The following C3orf85 variants were observed in gnomAD, a reference collection of about 807,000 sequenced individuals.
C3orf85 encodes the protein uncharacterized protein C3orf85.
In C3orf85, 1 loss-of-function variant was observed where a neutral mutation model predicts 1.7. That is an observed-to-expected ratio of 0.60 (90% CI 0.21 to 2.86). C3orf85 has a LOEUF of 2.86. C3orf85 is among the 30% of genes most tolerant of loss of function. The pLI is 0.22. For missense variants in C3orf85, 29 were observed against 21.3 expected (o/e 1.36, Z -0.72); for synonymous variants, 17 against 8.0 (o/e 2.13, Z -1.90).
intron 2 of C3orf85, among the ~76,000 whole-genome samples, chr3:109,143,208 TC>T (rs1706760456): frequency 6.6e-6 from 1 of 152,236 alleles, no homozygotes; most frequent in African/African-American, 2.4e-5. Context: ...GCAGACTCTG[TC>T]CTTTAATTCT....
Position 109,147,251 on chromosome 3 carries a change from C to T in C3orf85, c.50-1002C>T, listed in dbSNP as rs190264625. Among the ~76,000 whole-genome samples the T allele has an allele frequency of 1.6e-4, 25 of 152,202 alleles. No individual in the cohort carries two copies. In the South Asian group the frequency reaches 3.3e-3, roughly 20 times the overall value. On this transcript the variant is annotated intron_variant, in intron 2 of 3. Coordinates refer to ENST00000622536, the MANE Select transcript of C3orf85 (RefSeq NM_001351622.2). ...AGTGCAATCAAATCTTGTGTTGCCT[C>T]GTTTTGTCTTTTATCTTTGACCCTG...
intron 2 of C3orf85, among the ~76,000 whole-genome samples, chr3:109,137,753 G>A (rs941003771): frequency 2.0e-5 from 3 of 150,562 alleles, no homozygotes; most frequent in African/African-American, 7.3e-5. Context: ...GTTGGGTCAT[G>A]TTTAAATATG....
At chr3:109,146,786 T>C (rs1381301748) in intron 2 of C3orf85, among the ~76,000 whole-genome samples, 2 of 152,192 alleles carry the variant, frequency 1.3e-5, no homozygotes, top group Non-Finnish European at 2.9e-5. Flanking sequence ...CTTATGGTTA[T>C]GTACGTCAGC....
rs201988537 is a variant in C3orf85, at chr3:109,138,551, ATT to A, written c.49+1663_49+1664del. Reference sequence around the variant, plus strand: ...TTCTGCTTATTATAAGAAAACCACTATTTTTTTTTAAAGTTTATTTTCATGTT... The same window carrying A: ...TTCTGCTTATTATAAGAAAACCACTATTTTTTTAAAGTTTATTTTCATGTT... On this transcript the variant is annotated intron_variant, in intron 2 of 3. Transcript: ENST00000622536. 2.2e-4 allele frequency among the ~76,000 whole-genome samples: 34 copies of A among 151,470 alleles called. 1 individual carries two copies. The East Asian group carries it at 6.0e-3, about 27-fold the overall frequency.
rs993054868 is a variant in C3orf85 at position 109,151,290 on chromosome 3, G to C, written c.*1396G>C. On this transcript the variant is annotated 3_prime_UTR_variant, in exon 4 of 4. Transcript: ENST00000622536. ...CTTTAATTATTTAATAAAAAATTGA[G>C]AATGTCTGTGTATTAGGGTTCTCCA... is the stretch of plus-strand genomic sequence containing the variant. 6.6e-6 allele frequency among the ~76,000 whole-genome samples: 1 copy of C among 152,118 alleles called. No individual in the cohort carries two copies.
chr3:109,150,645 G>T lies in C3orf85; in HGVS notation c.*751G>T, dbSNP rs1706859076. 1 of 152,102 alleles carries T rather than the reference G, an allele frequency of 6.6e-6. No individual in the cohort carries two copies. Among genetic ancestry groups the T allele is most frequent in the Non-Finnish European group, 1.5e-5 (1 of 68,024 alleles). 9.4% of individuals were successfully genotyped at this position (152,102 alleles called of 1,614,324 possible). Reference sequence around the variant, plus strand: ...AATTGGCCATAGGGAAAAGTGGACTGCATTTATCCTATAACTTTCCTAATA... The same window carrying T: ...AATTGGCCATAGGGAAAAGTGGACTTCATTTATCCTATAACTTTCCTAATA... On this transcript the variant is annotated 3_prime_UTR_variant, in exon 4 of 4. Transcript: ENST00000622536.
chr3:109,140,845 T>A (rs1202542976), intron 2 of C3orf85, among the ~76,000 whole-genome samples: 2 of 152,228 alleles, frequency 1.3e-5, no homozygotes, highest in African/African-American at 4.8e-5. Flanking sequence ...TAAACCCAAG[T>A]GACACCACTT....
chr3:109,149,530 A>G lies in C3orf85; in HGVS notation c.184-275A>G, dbSNP rs957957356. The G allele has an allele frequency of 6.8e-5, 17 of 251,658 alleles. 1 individual carries two copies. Among genetic ancestry groups the G allele is most frequent in the Non-Finnish European group, 9.8e-5 (13 of 133,162 alleles). 15.6% of individuals were successfully genotyped at this position (251,658 alleles called of 1,614,324 possible). On this transcript the variant is annotated intron_variant, in intron 3 of 3. Coordinates refer to ENST00000622536, the MANE Select transcript of C3orf85 (RefSeq NM_001351622.2). Reference sequence around the variant, plus strand: ...CATTTTCAGGTACTCTCCTGCCTCTACTTGTAGACCAGATTTGTACCAACT... The same window carrying G: ...CATTTTCAGGTACTCTCCTGCCTCTGCTTGTAGACCAGATTTGTACCAACT...
chr3:109,139,902 T>C (rs1706725278), intron 2 of C3orf85, among the ~76,000 whole-genome samples: 1 of 152,242 alleles, frequency 6.6e-6, no homozygotes, highest in Non-Finnish European at 1.5e-5. Context: ...GAAAGATTTT[T>C]GATTTGCTTT....
chr3:109,146,648 C>T (rs1230392806), intron 2 of C3orf85, among the ~76,000 whole-genome samples: 1 of 152,150 alleles, frequency 6.6e-6, no homozygotes, highest in Non-Finnish European at 1.5e-5. Context: ...CTCAGGGCTG[C>T]TTGAGCGCCC....
intron 2 of C3orf85, among the ~76,000 whole-genome samples, chr3:109,142,498 A>G (rs965271075): frequency 3.9e-5 from 6 of 152,164 alleles, no homozygotes; most frequent in African/African-American, 1.2e-4. Context: ...CCCAGATATC[A>G]GTATTACCTA....
chr3:109,149,869 C>T lies in C3orf85; in HGVS notation c.248C>T (p.Thr83Ile), dbSNP rs1160376865. 2.5e-6 allele frequency: 1 copy of T among 398,414 alleles called. No homozygotes were observed. The highest frequency in any genetic ancestry group is 4.4e-5 in the Admixed American group (1 of 22,712). The allele number at this position is 398,414 out of a possible 1,614,324, so 24.7% of individuals were successfully genotyped here. Residue 83 changes from threonine (T) to isoleucine (I), a missense_variant, in exon 4 of 4, where the codon ACC becomes ATC. Coordinates refer to ENST00000622536, the MANE Select transcript of C3orf85 (RefSeq NM_001351622.2). Reference protein sequence around the residue: ...AQYYLDMNTFTFDMSTAQ With the variant: ...AQYYLDMNTFIFDMSTAQ ...TATTATTTGGATATGAATACCTTCA[C>T]CTTTGACATGTCTACTGCCCAGTAA...
At position 109,148,587 on chromosome 3, in the gene C3orf85, T is replaced by C. The variant is rs1199947286; in HGVS notation, c.183+201T>C. On this transcript the variant is annotated intron_variant, in intron 3 of 3. Coordinates refer to ENST00000622536, the MANE Select transcript of C3orf85 (RefSeq NM_001351622.2). The stretch of plus-strand genomic sequence containing the variant: ...CTCTTGCTTAAAGACTAGACTCAAA[T>C]GTCCCTCTGAAGCCTTTCCCTTCTT... 2.7e-5 allele frequency: 14 copies of C among 522,884 alleles called. No homozygotes were observed. In the South Asian group the frequency reaches 3.5e-4, roughly 13 times the overall value. The allele number at this position is 522,884 out of a possible 1,614,324, so 32.4% of individuals were successfully genotyped here. A position where few individuals can be genotyped will look rare whatever the true frequency, so the allele number is the denominator to read the frequency against.
Position 109,150,634 on chromosome 3 carries a change from A to C in C3orf85, c.*740A>C, listed in dbSNP as rs1364410540. On this transcript the variant is annotated 3_prime_UTR_variant, in exon 4 of 4. Coordinates refer to ENST00000622536, the MANE Select transcript of C3orf85 (RefSeq NM_001351622.2). Reference sequence around the variant, plus strand: ...TAAAACTGAAAAATTGGCCATAGGGAAAAGTGGACTGCATTTATCCTATAA... The same window carrying C: ...TAAAACTGAAAAATTGGCCATAGGGCAAAGTGGACTGCATTTATCCTATAA... The C allele has an allele frequency of 6.6e-6, 1 of 152,190 alleles. No homozygotes were observed. Among genetic ancestry groups the C allele is most frequent in the Admixed American group, 6.5e-5 (1 of 15,278 alleles). The allele number at this position is 152,190 out of a possible 1,614,324, so 9.4% of individuals were successfully genotyped here. A position where few individuals can be genotyped will look rare whatever the true frequency, so the allele number is the denominator to read the frequency against.
chr3:109,148,518 G>A, intron 3 of C3orf85, 132 bp downstream of exon 3: 1 of 613,626 alleles, frequency 1.6e-6, no homozygotes, highest in South Asian at 1.9e-5. Context: ...AACTATATCT[G>A]CTTTTTCTTG....
intron 2 of C3orf85, among the ~76,000 whole-genome samples, chr3:109,142,693 C>G (rs1034870871): frequency 4.6e-5 from 7 of 151,404 alleles, no homozygotes; most frequent in African/African-American, 1.7e-4. Context: ...AGTGCCCTGG[C>G]ATGTGCTCTG....
chr3:109,140,003 A>G (rs1420018696), intron 2 of C3orf85, among the ~76,000 whole-genome samples: 3 of 152,156 alleles, frequency 2.0e-5, no homozygotes, highest in Non-Finnish European at 2.9e-5. Context: ...CTTCTCTACC[A>G]TAGGAAGACT....
Position 109,150,114 on chromosome 3 carries a change from T to TG in C3orf85, c.*220_*221insG, listed in dbSNP as rs1286980876. 4.4e-6 allele frequency: 1 copy of TG among 227,918 alleles called. No individual in the cohort carries two copies. Among genetic ancestry groups the TG allele is most frequent in the African/African-American group, 2.6e-5 (1 of 39,136 alleles). 14.1% of individuals were successfully genotyped at this position (227,918 alleles called of 1,614,324 possible). On this transcript the variant is annotated 3_prime_UTR_variant, in exon 4 of 4. Transcript: ENST00000622536. ...AAATGGTAGTTCTCAAAAAAAGAAC[T>TG]AAAAAAAAAAAAGGCTGTAGTAATA...
At chr3:109,146,746 C>T (rs1328800003) in intron 2 of C3orf85, among the ~76,000 whole-genome samples, 1 of 152,118 alleles carries the variant, frequency 6.6e-6, no homozygotes, top group African/African-American at 2.4e-5. Context: ...ATCCTAGCCA[C>T]AAAAATTGCA....
Sources: gnomAD v4.1 joint callset for allele counts (sites outside exome capture counted in the v4.1 genomes callset) on GRCh38, gnomAD v4.1.1 for gene constraint, MANE v1.5 for transcripts, NCBI Gene and HGNC (gene_info 2026-07-23, HGNC 2026-07-21) for gene names.